The following AFTPH variants were observed in gnomAD, a reference collection of about 807,000 sequenced individuals.
AFTPH encodes the protein aftiphilin, also known as aftiphilin protein.
Under a neutral mutation model 72.5 loss-of-function variants are expected in AFTPH, and 7 were observed. That is an observed-to-expected ratio of 0.10 (90% CI 0.05 to 0.18). The LOEUF (loss-of-function observed/expected upper bound fraction) is 0.18. Among genes scored for constraint, AFTPH ranks in the 10% least tolerant of loss-of-function variants. AFTPH has a pLI of 1.00. For synonymous variants in AFTPH, 337 were observed against 370.1 expected (o/e 0.91, Z 1.03); for missense variants, 979 against 1,060.5 (o/e 0.92, Z 1.07).
intron 8 of AFTPH, 90 bp from the exon 10 acceptor site, chr2:64,591,798 C>G: frequency 7.2e-7 from 1 of 1,398,068 alleles, no homozygotes; most frequent in Non-Finnish European, 1.0e-6. Flanking sequence ...CCACAGATTG[C>G]TAACTGTCTA....
Position 64,532,892 on chromosome 2 carries a change from C to A in AFTPH, c.-33+8280C>A, listed in dbSNP as rs139315041. Among the ~76,000 whole-genome samples, 617 of 152,158 alleles carry A rather than the reference C, an allele frequency of 4.1e-3. 8 individuals carry two copies. The highest frequency in any genetic ancestry group is 0.014 in the African/African-American group (599 of 41,492). On this transcript the variant is annotated intron_variant, in intron 1 of 8. Coordinates refer to ENST00000238856, the Ensembl canonical transcript of AFTPH. Reference sequence around the variant, plus strand: ...ACCTATGGGAAAATTTATTTTGTAGCCCACTTTGTGTAAAAATGAAGGCAA... The same window carrying A: ...ACCTATGGGAAAATTTATTTTGTAGACCACTTTGTGTAAAAATGAAGGCAA...
At chr2:64,587,267 C>T (rs949356566) in intron 8 of AFTPH, among the ~76,000 whole-genome samples, 2 of 152,106 alleles carry the variant, frequency 1.3e-5, no homozygotes, top group Non-Finnish European at 2.9e-5. Flanking sequence ...TTGAGTTACT[C>T]GCTAGGACCT....
At chr2:64,565,153 T>C (rs1277794311) in intron 2 of AFTPH, among the ~76,000 whole-genome samples, 2 of 151,792 alleles carry the variant, frequency 1.3e-5, no homozygotes, top group African/African-American at 4.8e-5. Context: ...ATTGATACAC[T>C]TTTAAAAATA....
exon 4 of AFTPH, chr2:64,569,105 G>A (rs1672267369): frequency 1.2e-6 from 2 of 1,614,084 alleles, no homozygotes; most frequent in South Asian, 2.2e-5. Context: ...ATTGCTAGAT[G>A]TGTGGACTGA....
Position 64,571,030 on chromosome 2 carries a change from C to T in AFTPH, c.2271+1351C>T, listed in dbSNP as rs550028253. On this transcript the variant is annotated intron_variant, in intron 5 of 8. Coordinates refer to ENST00000238856, the Ensembl canonical transcript of AFTPH. The stretch of plus-strand genomic sequence containing the variant: ...ATTTAATGAATTTAAATGTATCTCG[C>T]CCTCCCCCATCTTTGTGATATCTTT... Among the ~76,000 whole-genome samples, 19 of 147,730 alleles carry T rather than the reference C, an allele frequency of 1.3e-4. No individual in the cohort carries two copies. In the South Asian group the frequency reaches 4.0e-3, roughly 31 times the overall value.
intron 5 of AFTPH, among the ~76,000 whole-genome samples, chr2:64,571,068 T>G (rs1272553639): frequency 2.0e-5 from 3 of 151,986 alleles, no homozygotes; most frequent in Non-Finnish European, 4.4e-5. Context: ...TTTAGAAACT[T>G]TTTTTTAATA....
chr2:64,532,849 A>G (rs989145055), intron 1 of AFTPH, among the ~76,000 whole-genome samples: 3 of 152,202 alleles, frequency 2.0e-5, no homozygotes, highest in African/African-American at 7.2e-5. Flanking sequence ...TTGTATTACT[A>G]ATTTGAGTGT....
chr2:64,551,951 G>A, exon 2 of AFTPH: 1 of 1,613,548 alleles, frequency 6.2e-7, no homozygotes, highest in Non-Finnish European at 8.5e-7. Context: ...GAACTAATAT[G>A]AATGTTGTTC....
rs369024706 is a variant in AFTPH, at chr2:64,533,846, A to G, written c.-33+9234A>G. On this transcript the variant is annotated intron_variant, in intron 1 of 8. Coordinates refer to ENST00000238856, the Ensembl canonical transcript of AFTPH. ...AACAGATTCAATTTTTATGTTATAT[A>G]AAATTAACAATTCTGTATTTAGGTA... Among the ~76,000 whole-genome samples the G allele has an allele frequency of 2.6e-5, 4 of 152,248 alleles. No individual in the cohort carries two copies. In the South Asian group the frequency reaches 6.2e-4, roughly 24 times the overall value.
At chr2:64,550,981 T>G (rs1671010420) in intron 1 of AFTPH, among the ~76,000 whole-genome samples, 1 of 152,214 alleles carries the variant, frequency 6.6e-6, no homozygotes, top group South Asian at 2.1e-4. Context: ...AAGAAAATAT[T>G]TGTAACAATT....
chr2:64,565,152 CTT>C (rs1372684977), intron 2 of AFTPH, among the ~76,000 whole-genome samples: 1 of 151,708 alleles, frequency 6.6e-6, no homozygotes, highest in African/African-American at 2.4e-5. Context: ...AATTGATACA[CTT>C]TTAAAAATAA....
rs1363607189 is a variant in AFTPH at position 64,572,888 on chromosome 2, C to T, written c.2272-58C>T. The T allele has an allele frequency of 4.8e-5, 76 of 1,577,574 alleles. No individual in the cohort carries two copies. In the South Asian group the frequency reaches 8.5e-4, roughly 18 times the overall value. ...TACCTTCTTCTTTCTGATAGATTAA[C>T]TTAAGTTTATGGGCTGTGCACCCCC... On this transcript the variant is annotated intron_variant, in intron 5 of 8. Transcript: ENST00000238856.
chr2:64,572,104 T>C (rs879599314), intron 5 of AFTPH, among the ~76,000 whole-genome samples: 40 of 151,576 alleles, frequency 2.6e-4, no homozygotes, highest in Non-Finnish European at 5.0e-4. Context: ...CCTGTAATCT[T>C]AGCTACTCGG....
chr2:64,575,649 A>G (rs1217845203), intron 6 of AFTPH, among the ~76,000 whole-genome samples: 1 of 151,654 alleles, frequency 6.6e-6, no homozygotes, highest in Non-Finnish European at 1.5e-5. Flanking sequence ...TCTGAAGTAC[A>G]TTTTCTAAAG....
At chr2:64,552,824 T>A in exon 2 of AFTPH, 1 of 1,614,226 alleles carries the variant, frequency 6.2e-7, no homozygotes, top group Non-Finnish European at 8.5e-7. Context: ...CTTTTGTTAC[T>A]GGTACTCAAG....
At chr2:64,586,825 C>G (rs183251142) in intron 8 of AFTPH, among the ~76,000 whole-genome samples, 70 of 151,998 alleles carry the variant, frequency 4.6e-4, no homozygotes, top group African/African-American at 1.6e-3. Context: ...TTCTTCAAAT[C>G]GAAACTCCTC....
intron 2 of AFTPH, among the ~76,000 whole-genome samples, chr2:64,564,170 TATATC>T (rs1671911746): frequency 6.6e-6 from 1 of 152,228 alleles, no homozygotes; most frequent in Non-Finnish European, 1.5e-5. Flanking sequence ...AATTTCTTGT[TATATC>T]ATAATATGGT....
rs1243472946 is a variant in AFTPH at position 64,548,433 on chromosome 2, A to AAAAAAAAAAAAAAAAAC, written c.-32-3008_-32-3007insAAAAAAAAAAAAAACAA. On this transcript the variant is annotated intron_variant, in intron 1 of 8. Transcript: ENST00000238856. ...AAAAAAAAAAAAAAAAAAAAAAAAA[A>AAAAAAAAAAAAAAAAAC]AACTTTAGAAAAAGGAATCCTGTAG... 9.7e-5 allele frequency among the ~76,000 whole-genome samples: 10 copies of AAAAAAAAAAAAAAAAAC among 102,608 alleles called. 1 individual carries two copies. The highest frequency in any genetic ancestry group is 1.4e-4 in the African/African-American group (4 of 27,698). The allele number at this position is 102,608 out of a possible 152,430, so 67.3% of individuals were successfully genotyped here.
chr2:64,568,643 A>G (rs1440529257), intron 3 of AFTPH, among the ~76,000 whole-genome samples: 2 of 152,128 alleles, frequency 1.3e-5, no homozygotes, highest in East Asian at 1.9e-4. Context: ...TTTCTTTGAG[A>G]CAGTCTCGCT....
Sources: gnomAD v4.1 joint callset for allele counts (sites outside exome capture counted in the v4.1 genomes callset) on GRCh38, gnomAD v4.1.1 for gene constraint, MANE v1.5 for transcripts, NCBI Gene and HGNC (gene_info 2026-07-23, HGNC 2026-07-21) for gene names.